Variants in HPSE2 observed in about 807,000 individuals in gnomAD.
HPSE2 encodes the protein inactive heparanase-2.
A neutral mutation model predicts 60.5 loss-of-function variants in HPSE2; 38 were observed. The observed-to-expected ratio is 0.63, with a 90% confidence interval of 0.48 to 0.82. HPSE2 has a LOEUF of 0.82. Among genes scored for constraint, HPSE2 ranks in the 40% least tolerant of loss-of-function variants. HPSE2 has a pLI of 0.00. For missense variants in HPSE2, 713 were observed against 740.4 expected, an observed-to-expected ratio of 0.96 and a Z score of 0.43; for synonymous variants, 295 against 293.2, an observed-to-expected ratio of 1.01 and a Z score of -0.06.
chr10:98,971,697 GA>G (rs1263938135), intron 3 of HPSE2, among the ~76,000 whole-genome samples: 1 of 151,994 alleles, frequency 6.6e-6, no homozygotes, highest in Non-Finnish European at 1.5e-5. Flanking sequence ...CATTCTCCTT[GA>G]AATGAACATC....
rs760421035 is a variant in HPSE2, at chr10:98,641,839, T to C, written c.1098+8A>G. 1 of 1,601,770 alleles carries C rather than the reference T, an allele frequency of 6.2e-7. No individual in the cohort carries two copies. ...CGCTCCTTTTCTTCCCAGGATACTT[T>C]TACTCACTTTCTGAATTTTCCTAAT... On this transcript the variant is annotated splice_region_variant and intron_variant, in intron 7 of 11. Transcript: ENST00000370552.
intron 3 of HPSE2, among the ~76,000 whole-genome samples, chr10:99,076,325 A>C (rs558616122): frequency 2.2e-4 from 34 of 151,978 alleles, no homozygotes; most frequent in Non-Finnish European, 4.4e-4. Flanking sequence ...GTACACTTTT[A>C]CTTCTCCCTT....
intron 9 of HPSE2, among the ~76,000 whole-genome samples, chr10:98,611,093 G>A (rs1024783563): frequency 7.2e-6 from 1 of 138,242 alleles, no homozygotes; most frequent in African/African-American, 3.5e-5. Context: ...CCCAGTGTTG[G>A]GGGGGGCCAG....
intron 9 of HPSE2, among the ~76,000 whole-genome samples, chr10:98,575,336 G>A (rs573821): frequency 0.85 from 128,582 of 152,140 alleles, 55,732 homozygotes; most frequent in East Asian, 1. Flanking sequence ...CCACATGGCC[G>A]TGATGATAAA....
chr10:99,014,814 G>T (rs529383246), intron 3 of HPSE2, among the ~76,000 whole-genome samples: 24 of 152,222 alleles, frequency 1.6e-4, no homozygotes, highest in African/African-American at 5.3e-4. Context: ...AGACAAAATT[G>T]ACAAATGGGA....
At chr10:98,586,943 G>A (rs979217390) in intron 9 of HPSE2, among the ~76,000 whole-genome samples, 6 of 152,152 alleles carry the variant, frequency 3.9e-5, no homozygotes, top group Non-Finnish European at 5.9e-5. Context: ...ATTTGGCTTT[G>A]GACAGGTAAC....
At chr10:98,869,126 C>A (rs1589978342) in intron 3 of HPSE2, among the ~76,000 whole-genome samples, 1 of 151,874 alleles carries the variant, frequency 6.6e-6, no homozygotes, top group South Asian at 2.1e-4. Flanking sequence ...TTTTGAGATT[C>A]AACTTTCTAT....
chr10:98,750,645 T>C (rs1259242296), intron 3 of HPSE2, among the ~76,000 whole-genome samples: 5 of 152,052 alleles, frequency 3.3e-5, no homozygotes, highest in African/African-American at 1.2e-4. Flanking sequence ...GATTGGAATG[T>C]GGTGTGTGAG....
At chr10:98,645,303 A>C (rs1357855625) in intron 6 of HPSE2, among the ~76,000 whole-genome samples, 1 of 152,224 alleles carries the variant, frequency 6.6e-6, no homozygotes, top group African/African-American at 2.4e-5. Flanking sequence ...TGAGACAAGA[A>C]ATGTTGACGT....
intron 3 of HPSE2, among the ~76,000 whole-genome samples, chr10:98,984,282 T>A (rs1009668573): frequency 7.2e-5 from 11 of 152,110 alleles, no homozygotes; most frequent in Non-Finnish European, 1.3e-4. Context: ...CAGGTACTCC[T>A]CTGAGACAAA....
At chr10:99,132,193 GA>G (rs1589706301) in intron 3 of HPSE2, among the ~76,000 whole-genome samples, 3 of 13,438 alleles carry the variant, frequency 2.2e-4, no homozygotes, top group Admixed American at 1.1e-3. Context: ...AAGAAAGAAA[GA>G]GAGAGAGAGA....
chr10:98,858,826 A>G (rs950225899), intron 3 of HPSE2, among the ~76,000 whole-genome samples: 3 of 152,222 alleles, frequency 2.0e-5, no homozygotes, highest in African/African-American at 7.2e-5. Context: ...AAAGTTAATT[A>G]TTTAGAATGC....
At chr10:99,012,057 C>CT (rs1957030303) in intron 3 of HPSE2, among the ~76,000 whole-genome samples, 1 of 151,730 alleles carries the variant, frequency 6.6e-6, no homozygotes, top group African/African-American at 2.4e-5. Context: ...TTGAAATTCA[C>CT]TTTAACTGCT....
chr10:98,639,308 T>C (rs1005562735), intron 7 of HPSE2, among the ~76,000 whole-genome samples: 2 of 152,168 alleles, frequency 1.3e-5, no homozygotes, highest in South Asian at 2.1e-4. Flanking sequence ...ATACAATGCA[T>C]TGGCTTAATA....
At chr10:98,585,724 G>T (rs916801898) in intron 9 of HPSE2, among the ~76,000 whole-genome samples, 2 of 151,752 alleles carry the variant, frequency 1.3e-5, no homozygotes, top group African/African-American at 4.8e-5. Context: ...GGCCGAGGTG[G>T]GTGGATCACC....
intron 6 of HPSE2, among the ~76,000 whole-genome samples, chr10:98,684,399 T>C (rs1368929021): frequency 6.6e-6 from 1 of 151,996 alleles, no homozygotes. Flanking sequence ...AATAGATTAA[T>C]AGGAAGCTAA....
intron 3 of HPSE2, among the ~76,000 whole-genome samples, chr10:98,799,973 C>T (rs951187252): frequency 6.6e-6 from 1 of 151,578 alleles, no homozygotes; most frequent in African/African-American, 2.4e-5. Context: ...GAAAACAACA[C>T]AAAAGTCAAT....
chr10:98,904,510 G>A (rs1247103558), intron 3 of HPSE2, among the ~76,000 whole-genome samples: 1 of 152,168 alleles, frequency 6.6e-6, no homozygotes, highest in East Asian at 1.9e-4. Flanking sequence ...TTAAAAAGGT[G>A]AAAGTGAGGG....
intron 3 of HPSE2, among the ~76,000 whole-genome samples, chr10:98,868,043 C>G (rs1463560395): frequency 6.6e-6 from 1 of 150,910 alleles, no homozygotes; most frequent in Non-Finnish European, 1.5e-5. Context: ...GCCTGTGTGA[C>G]AGAGACTCCA....
Sources: gnomAD v4.1 joint callset for allele counts (sites outside exome capture counted in the v4.1 genomes callset) on GRCh38, gnomAD v4.1.1 for gene constraint, MANE v1.5 for transcripts, NCBI Gene and HGNC (gene_info 2026-07-23, HGNC 2026-07-21) for gene names.